The following FRAS1 variants were observed in gnomAD, a reference collection of about 807,000 sequenced individuals.
FRAS1 encodes extracellular matrix organizing protein FRAS1.
Under a neutral mutation model 435.2 loss-of-function variants are expected in FRAS1, and 290 were observed. The observed-to-expected ratio is 0.67, with a 90% confidence interval of 0.61 to 0.73. The LOEUF is 0.73. Among genes scored for constraint, FRAS1 ranks in the 30% least tolerant of loss-of-function variants. The pLI is 0.00. For synonymous variants in FRAS1, 1,800 were observed against 1,851.0 expected (o/e 0.97, Z 0.71); for missense variants, 4,860 against 5,001.5 (o/e 0.97, Z 0.85).
intron 3 of FRAS1, among the ~76,000 whole-genome samples, chr4:78,239,114 G>C (rs1645245884): frequency 6.6e-6 from 1 of 152,100 alleles, no homozygotes; most frequent in African/African-American, 2.4e-5. Flanking sequence ...ACTCTCAAAA[G>C]CTAAATATTT....
chr4:78,121,169 C>T (rs1718996927), intron 2 of FRAS1, among the ~76,000 whole-genome samples: 1 of 152,222 alleles, frequency 6.6e-6, no homozygotes, highest in Admixed American at 6.5e-5. Flanking sequence ...CTGATATGAC[C>T]TTTCTCCTTG....
intron 20 of FRAS1, among the ~76,000 whole-genome samples, chr4:78,352,143 CA>C (rs1730723007): frequency 2.5e-3 from 1 of 398 alleles, no homozygotes; most frequent in African/African-American, 0.01. Context: ...GTAACTTCAG[CA>C]AAGTCTCAGG....
intron 2 of FRAS1, among the ~76,000 whole-genome samples, chr4:78,194,019 C>T (rs183361893): frequency 2.6e-5 from 4 of 152,222 alleles, no homozygotes; most frequent in Admixed American, 2.6e-4. Context: ...TTTATTTCTC[C>T]TTCACTTATG....
At chr4:78,412,029 T>TA (rs751797863) in intron 31 of FRAS1, among the ~76,000 whole-genome samples, 1 of 152,322 alleles carries the variant, frequency 6.6e-6, no homozygotes, top group Non-Finnish European at 1.5e-5. Flanking sequence ...GCTGAGCCCA[T>TA]AATAGATGAT....
At chr4:78,418,096 A>G (rs916664374) in intron 32 of FRAS1, among the ~76,000 whole-genome samples, 1 of 152,190 alleles carries the variant, frequency 6.6e-6, no homozygotes, top group African/African-American at 2.4e-5. Flanking sequence ...GGATGTACAC[A>G]GGGGAAGGGA....
chr4:78,432,702 G>A (rs2110390509), intron 38 of FRAS1, 98 bp downstream of exon 38: 1 of 1,367,852 alleles, frequency 7.3e-7, no homozygotes, highest in Non-Finnish European at 9.8e-7. Flanking sequence ...GGGGCAGCAG[G>A]TATATGGTCA....
At chr4:78,193,327 G>C (rs1356379728) in intron 2 of FRAS1, among the ~76,000 whole-genome samples, 1 of 152,176 alleles carries the variant, frequency 6.6e-6, no homozygotes, top group Non-Finnish European at 1.5e-5. Context: ...GGATATGCTT[G>C]TTAACTTTCT....
intron 2 of FRAS1, among the ~76,000 whole-genome samples, chr4:78,231,291 A>C (rs1265007405): frequency 6.6e-6 from 1 of 151,060 alleles, no homozygotes; most frequent in Non-Finnish European, 1.5e-5. Context: ...AAGATCACAT[A>C]AATTATATAT....
At chr4:78,191,292 T>C (rs565682596) in intron 2 of FRAS1, among the ~76,000 whole-genome samples, 1 of 152,332 alleles carries the variant, frequency 6.6e-6, no homozygotes, top group Admixed American at 6.5e-5. Context: ...ACCTGTAATT[T>C]AGGTGGAATT....
intron 69 of FRAS1, among the ~76,000 whole-genome samples, chr4:78,526,213 T>C (rs1231885519): frequency 2.0e-5 from 3 of 152,190 alleles, no homozygotes; most frequent in Non-Finnish European, 4.4e-5. Context: ...TCTCATGAAA[T>C]CCAAAGGAAA....
At chr4:78,455,131 C>T (rs566559486) in intron 47 of FRAS1, among the ~76,000 whole-genome samples, 7 of 152,158 alleles carry the variant, frequency 4.6e-5, no homozygotes, top group Non-Finnish European at 8.8e-5. Flanking sequence ...GGCCCCTCCC[C>T]GTGGCTAATA....
intron 61 of FRAS1, among the ~76,000 whole-genome samples, chr4:78,501,010 G>A (rs1029054264): frequency 3.9e-5 from 6 of 151,950 alleles, no homozygotes; most frequent in African/African-American, 9.7e-5. Context: ...GTACATGTGC[G>A]CAACATGCAG....
In FRAS1 at chr4:78,496,954, T is replaced by A. The variant is rs773750321; in HGVS notation, c.9108T>A (p.Asp3036Glu). The change falls in exon 60 of 74, where the codon GAT becomes GAA. Residue 3036 changes from aspartate to glutamate, a missense_variant. Transcript: ENST00000512123. ...TGGCCACCATCACCATATCCAATGA[T>A]GAAGATGGTAACAGAAGAAATTATC... ...NNMATITISNDEDAPTIEFEE... is the reference protein window; with the variant it reads ...NNMATITISNEEDAPTIEFEE... 1.2e-6 allele frequency: 2 copies of A among 1,612,754 alleles called. No individual in the cohort carries two copies. Among genetic ancestry groups the A allele is most frequent in the South Asian group, 1.1e-5 (1 of 90,924 alleles).
chr4:78,483,776 C>A (rs1364618456), intron 58 of FRAS1, among the ~76,000 whole-genome samples: 34,386 of 65,102 alleles, frequency 0.53, 8,306 homozygotes, highest in East Asian at 0.65. Context: ...AACTCTCTCT[C>A]TCTCTCTATA....
chr4:78,308,151 T>A lies in FRAS1; in HGVS notation c.1620T>A (p.Asp540Glu), dbSNP rs758083521. The A allele has an allele frequency of 1.2e-6, 2 of 1,613,936 alleles. No individual in the cohort carries two copies. The highest frequency in any genetic ancestry group is 1.7e-5 in the Admixed American group (1 of 60,026). The change falls in exon 15 of 74, where the codon GAT (aspartate) becomes GAA (glutamate). Residue 540 changes from aspartate (D) to glutamate (E), a missense_variant. Transcript: ENST00000512123. ...GAGATCCCCTCCACGTGCTGAGAGA[T>A]GGCGGCTGTGAGAGCAGCTGTGGAA... Reference protein sequence around the residue: ...ACRDPLHVLRDGGCESSCGKG... With the variant: ...ACRDPLHVLREGGCESSCGKG...
chr4:78,421,473 T>G (rs1248958435), intron 33 of FRAS1, among the ~76,000 whole-genome samples: 1 of 152,192 alleles, frequency 6.6e-6, no homozygotes, highest in African/African-American at 2.4e-5. Flanking sequence ...CTAGCCATGC[T>G]GGCAGCTGAT....
chr4:78,387,304 T>C (rs1732253295), intron 28 of FRAS1, 71 bp from the exon 29 acceptor site: 2 of 1,103,372 alleles, frequency 1.8e-6, no homozygotes, highest in Non-Finnish European at 2.6e-6. Flanking sequence ...GGAATAACAA[T>C]CAGGTATCTA....
At chr4:78,305,073 A>T (rs1015600377) in intron 14 of FRAS1, among the ~76,000 whole-genome samples, 3 of 152,170 alleles carry the variant, frequency 2.0e-5, no homozygotes, top group Admixed American at 6.5e-5. Flanking sequence ...CTTTGTTCTC[A>T]TTGGTTTCAA....
At chr4:78,435,531 G>A (rs945842184) in intron 38 of FRAS1, among the ~76,000 whole-genome samples, 2 of 152,024 alleles carry the variant, frequency 1.3e-5, no homozygotes, top group African/African-American at 2.4e-5. Flanking sequence ...TTGAGGTCAG[G>A]AGTTTGAGAT....
Sources: allele counts gnomAD v4.1 joint callset (sites outside exome capture counted in the v4.1 genomes callset), GRCh38; gene constraint gnomAD v4.1.1; transcripts MANE v1.5; gene names NCBI Gene and HGNC (gene_info 2026-07-23, HGNC 2026-07-21).